MTA3: variants seen among roughly 807,000 people sequenced by gnomAD.
The protein encoded by MTA3 is metastasis-associated protein MTA3.
Under a neutral mutation model 83.5 loss-of-function variants are expected in MTA3, and 34 were observed. The ratio of observed to expected loss-of-function variants is 0.41; its 90% CI spans 0.31 to 0.54. MTA3 has a LOEUF of 0.54. Ranked by LOEUF, MTA3 falls within the 20% of genes least tolerant of loss-of-function variation. The probability of loss-of-function intolerance (pLI) is 0.33; values close to 1 mark genes in which losing one functional copy is unlikely to be tolerated. For synonymous variants in MTA3, 303 were observed against 252.7 expected, an observed-to-expected ratio of 1.20 and a Z score of -1.89; for missense variants, 761 against 726.4, an observed-to-expected ratio of 1.05 and a Z score of -0.55.
chr2:42,643,663 A>C (rs1687905108), intron 5 of MTA3, among the ~76,000 whole-genome samples: 1 of 152,242 alleles, frequency 6.6e-6, no homozygotes, highest in Non-Finnish European at 1.5e-5. Flanking sequence ...GTTTAATGTG[A>C]GATATGTATA....
At chr2:42,518,784 A>G (rs1675275558) in intron 2 of MTA3, among the ~76,000 whole-genome samples, 1 of 151,890 alleles carries the variant, frequency 6.6e-6, no homozygotes, top group African/African-American at 2.4e-5. Context: ...TGGGCAACAT[A>G]GGGAGACCTC....
chr2:42,549,745 G>C (rs1677031726), intron 2 of MTA3, among the ~76,000 whole-genome samples: 1 of 136,114 alleles, frequency 7.3e-6, no homozygotes, highest in African/African-American at 2.8e-5. Flanking sequence ...GTATATAATG[G>C]AAAATTCCAG....
chr2:42,529,350 T>C lies in MTA3; in HGVS notation c.-141+34096T>C, dbSNP rs185074544. On this transcript the variant is annotated intron_variant, in intron 2 of 17. Transcript: ENST00000405592. Reference sequence around the variant, plus strand: ...GGGCAGTGTTTGAAGACCACTGTTCTAGACCAAAGGAATTGGCACAGCTTC... The same window carrying C: ...GGGCAGTGTTTGAAGACCACTGTTCCAGACCAAAGGAATTGGCACAGCTTC... 5.9e-5 allele frequency among the ~76,000 whole-genome samples: 9 copies of C among 152,298 alleles called. No individual in the cohort carries two copies. In the East Asian group the frequency reaches 1.7e-3, roughly 29 times the overall value.
chr2:42,530,435 C>T (rs1327359455), intron 2 of MTA3, among the ~76,000 whole-genome samples: 4 of 151,640 alleles, frequency 2.6e-5, no homozygotes, highest in South Asian at 2.1e-4. Context: ...TGCAGTGAGC[C>T]GAGATGGCGC....
In MTA3 at chr2:42,501,062, C is replaced by T. The variant is rs149752426; in HGVS notation, c.-141+5808C>T. 1.2e-3 allele frequency among the ~76,000 whole-genome samples: 183 copies of T among 152,110 alleles called. 2 individuals are homozygous for T. In the East Asian group the frequency reaches 0.032, roughly 26 times the overall value. On this transcript the variant is annotated intron_variant, in intron 2 of 17. Coordinates refer to the MTA3 transcript ENST00000405592. ...CCTGACCTCATGACCTGCCCACCTC[C>T]GCCTCCCAAAGTGCTGGGATTACAG...
chr2:42,524,924 T>C (rs1374058582), intron 2 of MTA3, among the ~76,000 whole-genome samples: 1 of 149,656 alleles, frequency 6.7e-6, no homozygotes, highest in Non-Finnish European at 1.5e-5. Flanking sequence ...GACCACACAG[T>C]TGAATTACCG....
chr2:42,645,766 A>G (rs1014873371), intron 6 of MTA3, among the ~76,000 whole-genome samples: 1 of 152,222 alleles, frequency 6.6e-6, no homozygotes, highest in African/African-American at 2.4e-5. Context: ...GGGTTTAAGG[A>G]AAAAATTCTT....
At chr2:42,630,800 GTATT>G (rs1686599720) in intron 4 of MTA3, among the ~76,000 whole-genome samples, 1 of 152,024 alleles carries the variant, frequency 6.6e-6, no homozygotes, top group South Asian at 2.1e-4. Flanking sequence ...TTTTTATTTT[GTATT>G]TATTTCTTCA....
chr2:42,729,345 C>T (rs1668089969), intron 16 of MTA3, among the ~76,000 whole-genome samples: 1 of 152,082 alleles, frequency 6.6e-6, no homozygotes, highest in South Asian at 2.1e-4. Context: ...TTGTGATCCA[C>T]CTGCCTCGGT....
chr2:42,750,011 G>T (rs112327896), intron 16 of MTA3, among the ~76,000 whole-genome samples: 121 of 150,996 alleles, frequency 8.0e-4, no homozygotes, highest in African/African-American at 2.7e-3. Context: ...TTATTTTTTT[G>T]AGACGGAGTC....
rs778419810 is a variant in MTA3, at chr2:42,581,360, CTTTTTTTTTTT to C, written c.190+2175_190+2185del. 3.1e-4 allele frequency among the ~76,000 whole-genome samples: 27 copies of C among 88,272 alleles called. 1 individual carries two copies. In the East Asian group the frequency reaches 5.6e-3, roughly 18 times the overall value. 57.9% of individuals were successfully genotyped at this position (88,272 alleles called of 152,430 possible). On this transcript the variant is annotated intron_variant, in intron 3 of 16. Coordinates refer to ENST00000405094, the MANE Select transcript of MTA3 (RefSeq NM_001330442.2). ...AGTCACCATGCCTGGTCCCAAATTGCTTTTTTTTTTTTTTTTTTTTTTTTTCGGAGACAGGG... is the reference window on the plus strand; with the variant it reads ...AGTCACCATGCCTGGTCCCAAATTGCTTTTTTTTTTTTTTCGGAGACAGGG...
chr2:42,546,124 A>C (rs1280420110), intron 2 of MTA3, among the ~76,000 whole-genome samples: 1 of 152,184 alleles, frequency 6.6e-6, no homozygotes, highest in Non-Finnish European at 1.5e-5. Context: ...GGAGGACCTT[A>C]GATTTTTAAT....
rs1426676629 is a variant in MTA3 at position 42,756,900 on chromosome 2, C to G, written c.*3501C>G. The G allele has an allele frequency of 1.9e-5, 19 of 985,370 alleles. No homozygotes were observed. Among genetic ancestry groups the G allele is most frequent in the Admixed American group, 1.2e-4 (2 of 16,276 alleles). The allele number at this position is 985,370 out of a possible 1,614,324, so 61.0% of individuals were successfully genotyped here. On this transcript the variant is annotated 3_prime_UTR_variant, in exon 17 of 17. Coordinates refer to ENST00000405094, the MANE Select transcript of MTA3 (RefSeq NM_001330442.2). The stretch of plus-strand genomic sequence containing the variant: ...TTGTCTGTCTGTAAGGAGATGCCAT[C>G]TACTAACCAATTTGTATTGTGTTTC...
chr2:42,605,384 CG>C (rs1683154234), intron 3 of MTA3, among the ~76,000 whole-genome samples: 1 of 23,264 alleles, frequency 4.3e-5, no homozygotes, highest in African/African-American at 3.0e-4. Context: ...GCTGGCCGGG[CG>C]GGGGGCTGAC....
At chr2:42,625,846 T>G (rs1686024223) in intron 4 of MTA3, among the ~76,000 whole-genome samples, 1 of 151,624 alleles carries the variant, frequency 6.6e-6, no homozygotes, top group African/African-American at 2.4e-5. Flanking sequence ...TGTTGTTGCC[T>G]AAATTGTTTC....
intron 4 of MTA3, among the ~76,000 whole-genome samples, chr2:42,610,536 C>T (rs1368627214): frequency 6.6e-6 from 1 of 152,134 alleles, no homozygotes; most frequent in Non-Finnish European, 1.5e-5. Context: ...AACCTAGCCC[C>T]TTGTTTGTCG....
chr2:42,749,023 A>C lies in MTA3; in HGVS notation c.1760-4351A>C, dbSNP rs376234266. Reference sequence around the variant, plus strand: ...GAACTCCAAATTCTGTCTTCTCAGCACTGGACAGCTCTTGAAGTCACTGCT... The same window carrying C: ...GAACTCCAAATTCTGTCTTCTCAGCCCTGGACAGCTCTTGAAGTCACTGCT... On this transcript the variant is annotated intron_variant, in intron 16 of 16. Coordinates refer to ENST00000405094, the MANE Select transcript of MTA3 (RefSeq NM_001330442.2). Among the ~76,000 whole-genome samples, 12 of 152,364 alleles carry C rather than the reference A, an allele frequency of 7.9e-5. No individual in the cohort carries two copies. In the East Asian group the frequency reaches 9.6e-4, roughly 12 times the overall value.
chr2:42,756,662 C>A lies in MTA3; in HGVS notation c.*3263C>A. ...GGAAGCCTTTATTCTTTACTGTTGT[C>A]CCTGTTTTCCTTTGGGGGAATTTAC... On this transcript the variant is annotated 3_prime_UTR_variant, in exon 17 of 17. Coordinates refer to ENST00000405094, the MANE Select transcript of MTA3 (RefSeq NM_001330442.2). 1 of 985,444 alleles carries A rather than the reference C, an allele frequency of 1.0e-6. No homozygotes were observed. The allele number at this position is 985,444 out of a possible 1,614,324, so 61.0% of individuals were successfully genotyped here.
rs1670278112 is a variant in MTA3 at position 42,756,893 on chromosome 2, A to T, written c.*3494A>T. 2.0e-6 allele frequency: 2 copies of T among 985,328 alleles called. No individual in the cohort carries two copies. The highest frequency in any genetic ancestry group is 4.7e-5 in the South Asian group (1 of 21,284). 61.0% of individuals were successfully genotyped at this position (985,328 alleles called of 1,614,324 possible). The stretch of plus-strand genomic sequence containing the variant: ...GTGTGGATTGTCTGTCTGTAAGGAG[A>T]TGCCATCTACTAACCAATTTGTATT... On this transcript the variant is annotated 3_prime_UTR_variant, in exon 17 of 17. Coordinates refer to ENST00000405094, the MANE Select transcript of MTA3 (RefSeq NM_001330442.2).
Sources: gnomAD v4.1 joint callset for allele counts (sites outside exome capture counted in the v4.1 genomes callset) on GRCh38, gnomAD v4.1.1 for gene constraint, MANE v1.5 for transcripts, NCBI Gene and HGNC (gene_info 2026-07-23, HGNC 2026-07-21) for gene names.